Variants in DSC3 observed in about 807,000 individuals in gnomAD.
DSC3 encodes the protein desmocollin 3.
In DSC3, 97 loss-of-function variants were observed where a neutral mutation model predicts 89.5. The observed-to-expected ratio is 1.08, with a 90% CI of 0.92 to 1.28. The LOEUF is 1.28. Ranked by LOEUF, DSC3 falls within the 50% of genes most tolerant of loss-of-function variation. The pLI, the probability that DSC3 is intolerant of heterozygous loss-of-function variation, is 0.00. For synonymous variants in DSC3, 436 were observed against 384.1 expected, an observed-to-expected ratio of 1.14 and a Z score of -1.58; for missense variants, 1,199 against 1,085.3, an observed-to-expected ratio of 1.10 and a Z score of -1.47.
At chr18:31,018,559 T>C in intron 8 of DSC3, 107 bp downstream of exon 8, 1 of 1,229,974 alleles carries the variant, frequency 8.1e-7, no homozygotes, top group Non-Finnish European at 1.2e-6. Context: ...ATAAAATACG[T>C]ATACGTCAAA....
chr18:31,022,211 A>T, intron 7 of DSC3, 125 bp downstream of exon 7: 1 of 1,175,048 alleles, frequency 8.5e-7, no homozygotes, highest in Non-Finnish European at 1.2e-6. Context: ...AATTGTTAGG[A>T]ATTCTTATTG....
At chr18:31,023,473 C>T (rs1985492572) in intron 6 of DSC3, among the ~76,000 whole-genome samples, 1 of 152,088 alleles carries the variant, frequency 6.6e-6, no homozygotes, top group South Asian at 2.1e-4. Context: ...AGAAACAAAA[C>T]TAGGTTTCCT....
intron 15 of DSC3, among the ~76,000 whole-genome samples, chr18:30,994,668 C>A (rs1252686950): frequency 6.6e-6 from 1 of 152,084 alleles, no homozygotes; most frequent in Non-Finnish European, 1.5e-5. Context: ...ACACAGAGGT[C>A]AGTCTAGTCT....
intron 15 of DSC3, among the ~76,000 whole-genome samples, chr18:30,994,822 C>T (rs901940614): frequency 1.3e-5 from 2 of 152,048 alleles, no homozygotes; most frequent in Non-Finnish European, 2.9e-5. Context: ...TCAGTGACCA[C>T]CTAACAAGAT....
intron 1 of DSC3, among the ~76,000 whole-genome samples, chr18:31,039,659 G>A (rs1009829701): frequency 5.9e-5 from 9 of 152,152 alleles, no homozygotes; most frequent in Admixed American, 3.9e-4. Context: ...TACTTTCAGC[G>A]GAAAGTATGA....
rs771649417 is a variant in DSC3 at position 31,032,585 on chromosome 18, TGTGTGC to T, written c.70-315_70-310del. ...GTGTGTGTGTGTGTGTGTGTGTGTG[TGTGTGC>T]GTGTGCGTGTGCGTGTGCGTGTGTG... On this transcript the variant is annotated intron_variant, in intron 1 of 15. Transcript: ENST00000360428. 4.1e-3 allele frequency among the ~76,000 whole-genome samples: 478 copies of T among 117,686 alleles called. 3 individuals carry two copies. Among genetic ancestry groups the T allele is most frequent in the South Asian group, 9.4e-3 (37 of 3,924 alleles). The allele number at this position is 117,686 out of a possible 152,430, so 77.2% of individuals were successfully genotyped here.
rs532320529 is a variant in DSC3, at chr18:31,024,700, G to A, written c.631-207C>T. On this transcript the variant is annotated intron_variant, in intron 5 of 15. Transcript: ENST00000360428. The stretch of plus-strand genomic sequence containing the variant: ...CCAGTATGTGATGGAAATGGCTATC[G>A]CAAATAAAACCTAGGTCAGAGTACA... 5.9e-5 allele frequency among the ~76,000 whole-genome samples: 9 copies of A among 152,180 alleles called. No individual in the cohort carries two copies. In the South Asian group the frequency reaches 8.3e-4, roughly 14 times the overall value.
At chr18:31,042,105 A>T (rs1218526638) in intron 1 of DSC3, among the ~76,000 whole-genome samples, 2 of 152,078 alleles carry the variant, frequency 1.3e-5, no homozygotes, top group African/African-American at 4.8e-5. Context: ...ACCCAGGGAC[A>T]CAGCCCCGGC....
At position 31,032,571 on chromosome 18, in the gene DSC3, TGTGTGTGTGTGTGTGTGTGCGTGTGC is replaced by T. The variant is rs1395951591; in HGVS notation, c.70-321_70-296del. ...CTGTGTGTATGTGTGTGTGTGTGTGTGTGTGTGTGTGTGTGTGTGCGTGTGCGTGTGCGTGTGCGTGTGTGACTGAG... is the reference window on the plus strand; with the variant it reads ...CTGTGTGTATGTGTGTGTGTGTGTGTGTGTGCGTGTGCGTGTGTGACTGAG... On this transcript the variant is annotated intron_variant, in intron 1 of 15. Transcript: ENST00000360428. 4.6e-3 allele frequency among the ~76,000 whole-genome samples: 601 copies of T among 130,750 alleles called. 1 individual carries two copies. The highest frequency in any genetic ancestry group is 0.017 in the African/African-American group (576 of 33,796). 85.8% of individuals were successfully genotyped at this position (130,750 alleles called of 152,430 possible).
intron 14 of DSC3, among the ~76,000 whole-genome samples, chr18:30,999,884 T>A (rs1984594871): frequency 6.6e-6 from 1 of 152,158 alleles, no homozygotes; most frequent in African/African-American, 2.4e-5. Flanking sequence ...TTTAGAAGTG[T>A]TCCTAACACA....
At position 30,994,788 on chromosome 18, in the gene DSC3, C is replaced by A. The variant is rs140257469; in HGVS notation, c.2494-416G>T. On this transcript the variant is annotated intron_variant, in intron 15 of 15. Coordinates refer to ENST00000360428, the MANE Select transcript of DSC3 (RefSeq NM_001941.5). ...TACCAACTAGCTATATGACTTTGGG[C>A]AAGTGACCAAATATCCTTTAGTCTC... Among the ~76,000 whole-genome samples the A allele has an allele frequency of 6.4e-4, 97 of 152,204 alleles. 1 individual carries two copies. Among genetic ancestry groups the A allele is most frequent in the Non-Finnish European group, 1.1e-3 (73 of 68,014 alleles).
Position 30,991,040 on chromosome 18 carries a change from C to A in DSC3, c.*3135G>T, listed in dbSNP as rs917233139. 3 of 152,290 alleles carry A rather than the reference C, an allele frequency of 2.0e-5. No individual in the cohort carries two copies. The highest frequency in any genetic ancestry group is 7.2e-5 in the African/African-American group (3 of 41,414). 9.4% of individuals were successfully genotyped at this position (152,290 alleles called of 1,614,324 possible). On this transcript the variant is annotated 3_prime_UTR_variant, in exon 16 of 16. Transcript: ENST00000360428. ...AGTGATCATCTTAGAATTATTTAAT[C>A]TCTAAATACAGCAAAAACAAGAAAC...
At chr18:31,020,958 A>G (rs1373376861) in intron 7 of DSC3, among the ~76,000 whole-genome samples, 2 of 152,166 alleles carry the variant, frequency 1.3e-5, no homozygotes, top group African/African-American at 4.8e-5. Flanking sequence ...AGAAAAAAAT[A>G]CAAACAGAGA....
rs192640978 is a variant in DSC3 at position 31,012,456 on chromosome 18, G to A, written c.1264-3931C>T. ...AGAGCTCCCCACCAGAGAGATCTGG[G>A]TTTGTATCTTGGCTGTATGAACAGA... On this transcript the variant is annotated intron_variant, in intron 9 of 15. Coordinates refer to ENST00000360428, the MANE Select transcript of DSC3 (RefSeq NM_001941.5). Among the ~76,000 whole-genome samples the A allele has an allele frequency of 1.6e-4, 25 of 152,272 alleles. No homozygotes were observed. In the East Asian group the frequency reaches 4.6e-3, roughly 28 times the overall value.
At chr18:31,042,560 A>T in intron 1 of DSC3, 32 bp downstream of exon 1, 4 of 1,546,856 alleles carry the variant, frequency 2.6e-6, no homozygotes, top group South Asian at 2.4e-5. Flanking sequence ...CCCCGTCCCC[A>T]CCCCAGCCCT....
chr18:31,017,976 T>G (rs1174612831), intron 9 of DSC3, 95 bp downstream of exon 9: 3 of 1,062,130 alleles, frequency 2.8e-6, no homozygotes, highest in Non-Finnish European at 4.2e-6. Context: ...TCTTCCAACT[T>G]GTAGAGTCTA....
chr18:30,994,173 C>T lies in DSC3; in HGVS notation c.*2G>A, dbSNP rs368092446. The T allele has an allele frequency of 1.9e-6, 3 of 1,613,242 alleles. No individual in the cohort carries two copies. The highest frequency in any genetic ancestry group is 2.2e-5 in the South Asian group (2 of 91,070). ...CAAAGACCTAATTGTAGCACTGTGA[C>T]ATTATCTCTTTGTGCATGCTTCTGC... On this transcript the variant is annotated 3_prime_UTR_variant, in exon 16 of 16. Coordinates refer to ENST00000360428, the MANE Select transcript of DSC3 (RefSeq NM_001941.5).
intron 14 of DSC3, among the ~76,000 whole-genome samples, chr18:30,998,549 T>C (rs908755049): frequency 6.6e-6 from 1 of 152,102 alleles, no homozygotes; most frequent in Non-Finnish European, 1.5e-5. Flanking sequence ...AAATAGGTGA[T>C]AGTTGAGGCC....
At chr18:31,040,782 C>T (rs1986104980) in intron 1 of DSC3, among the ~76,000 whole-genome samples, 1 of 151,874 alleles carries the variant, frequency 6.6e-6, no homozygotes, top group African/African-American at 2.4e-5. Flanking sequence ...TCTAAAATGC[C>T]GTGTCATTAA....
Sources: gnomAD v4.1 joint callset for allele counts (sites outside exome capture counted in the v4.1 genomes callset) on GRCh38, gnomAD v4.1.1 for gene constraint, MANE v1.5 for transcripts, NCBI Gene and HGNC (gene_info 2026-07-23, HGNC 2026-07-21) for gene names.